PDZD2: variants seen among roughly 807,000 people sequenced by gnomAD.
PDZD2 encodes PDZ domain-containing protein 2.
PDZD2 carries 90 observed loss-of-function variants against 220.7 expected under a neutral mutation model. The observed-to-expected ratio is 0.41, with a 90% confidence interval of 0.34 to 0.49. The LOEUF (loss-of-function observed/expected upper bound fraction) is 0.49, where lower values mean the gene tolerates loss of function less well. Ranked by LOEUF, PDZD2 falls within the 20% of genes least tolerant of loss-of-function variation. PDZD2 has a pLI of 0.28. For missense variants in PDZD2, 3,174 were observed against 3,608.5 expected, an observed-to-expected ratio of 0.88 and a Z score of 3.08; for synonymous variants, 1,375 against 1,450.5, an observed-to-expected ratio of 0.95 and a Z score of 1.18.
At chr5:31,659,371 C>G (rs928750823) in intron 1 of PDZD2, among the ~76,000 whole-genome samples, 2 of 152,144 alleles carry the variant, frequency 1.3e-5, no homozygotes, top group Non-Finnish European at 2.9e-5. Flanking sequence ...ACCCAACCCT[C>G]CTCCTGAGCA....
Position 32,058,055 on chromosome 5 carries a change from A to T in PDZD2, c.2152A>T (p.Thr718Ser). 6.2e-7 allele frequency: 1 copy of T among 1,611,202 alleles called. No individual in the cohort carries two copies. Among genetic ancestry groups the T allele is most frequent in the Non-Finnish European group, 8.5e-7 (1 of 1,177,598 alleles). Reference sequence around the variant, plus strand: ...CAGTTCTTCATCCCTGGGTCGGAAGACCCCTGGGCCCAAGGACAGGATCGT... The same window carrying T: ...CAGTTCTTCATCCCTGGGTCGGAAGTCCCCTGGGCCCAAGGACAGGATCGT... ...EGSSSSLGRKTPGPKDRIVME... is the reference protein window; with the variant it reads ...EGSSSSLGRKSPGPKDRIVME... The change falls in exon 12 of 25, where the codon ACC (threonine) becomes TCC (serine). Residue 718 changes from threonine to serine, a missense_variant. Physicochemically the swap from Thr to Ser is moderately conservative, Grantham distance 58 (BLOSUM62 1). Around this residue, in one of 4 missense-constraint regions of PDZD2, gnomAD observed 1,861 missense variants for 2,001.0 expected, o/e 0.93. Coordinates refer to ENST00000438447, the MANE Select transcript of PDZD2 (RefSeq NM_178140.4).
chr5:32,057,834 A>T (rs777066339), intron 11 of PDZD2, 44 bp from the exon 12 acceptor site: 7 of 1,448,106 alleles, frequency 4.8e-6, no homozygotes, highest in Non-Finnish European at 6.8e-6. Context: ...TGATATAAGG[A>T]CATTCCAAAT....
At chr5:31,659,240 G>C (rs1302647549) in intron 1 of PDZD2, among the ~76,000 whole-genome samples, 1 of 151,460 alleles carries the variant, frequency 6.6e-6, no homozygotes, top group Non-Finnish European at 1.5e-5. Context: ...CTACTTTTTT[G>C]ATTGGTTTCA....
chr5:31,806,518 C>T (rs1273202396), intron 2 of PDZD2, among the ~76,000 whole-genome samples: 2 of 152,166 alleles, frequency 1.3e-5, no homozygotes, highest in Non-Finnish European at 2.9e-5. Flanking sequence ...CTGGTGGGAA[C>T]TTCTAGAGAA....
At chr5:31,775,888 C>T (rs1034326552) in intron 1 of PDZD2, among the ~76,000 whole-genome samples, 7 of 152,008 alleles carry the variant, frequency 4.6e-5, no homozygotes, top group African/African-American at 1.5e-4. Context: ...CTGGCTCTCC[C>T]GGGCCCTGTG....
chr5:32,102,346 A>G (rs1424517029), intron 24 of PDZD2, among the ~76,000 whole-genome samples: 1 of 151,932 alleles, frequency 6.6e-6, no homozygotes, highest in Non-Finnish European at 1.5e-5. Context: ...GCCAGAGCGA[A>G]GCATCTCGTG....
chr5:31,762,053 G>A (rs530020278), intron 1 of PDZD2, among the ~76,000 whole-genome samples: 55 of 152,134 alleles, frequency 3.6e-4, no homozygotes, highest in Middle Eastern at 3.4e-3. Context: ...AACCAGATCT[G>A]GTGAGAACTC....
chr5:31,971,470 T>G (rs931830881), intron 2 of PDZD2, among the ~76,000 whole-genome samples: 14 of 152,172 alleles, frequency 9.2e-5, no homozygotes, highest in Non-Finnish European at 1.8e-4. Flanking sequence ...GGATTTAAGT[T>G]CCAACACTGG....
chr5:32,030,990 G>A (rs767286767), intron 6 of PDZD2, among the ~76,000 whole-genome samples: 5 of 151,948 alleles, frequency 3.3e-5, no homozygotes, highest in Admixed American at 1.3e-4. Context: ...AAGTCTGTCC[G>A]CATATGCTGA....
intron 6 of PDZD2, among the ~76,000 whole-genome samples, chr5:32,028,681 T>TTTTTTTTTTTTTTTTTTTTG (rs1754875901): frequency 7.0e-6 from 1 of 142,590 alleles, no homozygotes. Flanking sequence ...TTTTGTTTTT[T>TTTTTTTTTTTTTTTTTTTTG]TTGTTTTTTT....
At position 31,691,270 on chromosome 5, in the gene PDZD2, G is replaced by T. The variant is rs556353622; in HGVS notation, c.-361+51833G>T. 2.0e-5 allele frequency among the ~76,000 whole-genome samples: 3 copies of T among 152,024 alleles called. No individual in the cohort carries two copies. In the East Asian group the frequency reaches 5.8e-4, roughly 29 times the overall value. Reference sequence around the variant, plus strand: ...TGGAGTTGTTCGTTCCTCCCGGTGGGCTCGTGGTCTCGCTGGCTTCAGGAG... The same window carrying T: ...TGGAGTTGTTCGTTCCTCCCGGTGGTCTCGTGGTCTCGCTGGCTTCAGGAG... On this transcript the variant is annotated intron_variant, in intron 1 of 24. Coordinates refer to ENST00000438447, the MANE Select transcript of PDZD2 (RefSeq NM_178140.4).
chr5:31,757,523 C>T lies in PDZD2; in HGVS notation c.-360-41366C>T, dbSNP rs570156680. ...AGGAGAATGGCATAAACCTGAGAGG[C>T]GGAGCTTGCAGTGAGCCGAGATTGC... On this transcript the variant is annotated intron_variant, in intron 1 of 24. Transcript: ENST00000438447. Among the ~76,000 whole-genome samples the T allele has an allele frequency of 6.6e-5, 10 of 151,542 alleles. No individual in the cohort carries two copies. In the East Asian group the frequency reaches 1.4e-3, roughly 21 times the overall value.
At chr5:32,105,186 AT>A (rs2111735302) in intron 24 of PDZD2, among the ~76,000 whole-genome samples, 1 of 152,318 alleles carries the variant, frequency 6.6e-6, no homozygotes, top group South Asian at 2.1e-4. Flanking sequence ...ATGAAGAACT[AT>A]ATAATTCAGT....
At chr5:32,023,196 A>C (rs1006313357) in intron 6 of PDZD2, among the ~76,000 whole-genome samples, 1 of 147,676 alleles carries the variant, frequency 6.8e-6, no homozygotes, top group Non-Finnish European at 1.5e-5. Context: ...ATGGGTTTCT[A>C]TTTGCCTTTG....
chr5:31,751,322 G>A (rs1417868909), intron 1 of PDZD2, among the ~76,000 whole-genome samples: 8 of 152,048 alleles, frequency 5.3e-5, no homozygotes, highest in Non-Finnish European at 1.2e-4. Flanking sequence ...GGTTAGAGCA[G>A]GAGCAAGGAG....
At chr5:31,673,004 C>T (rs1746274763) in intron 1 of PDZD2, among the ~76,000 whole-genome samples, 1 of 152,072 alleles carries the variant, frequency 6.6e-6, no homozygotes, top group African/African-American at 2.4e-5. Context: ...CTTAGGAGAC[C>T]TTTTTTCCAT....
At chr5:32,026,729 C>T (rs1001444181) in intron 6 of PDZD2, among the ~76,000 whole-genome samples, 4 of 152,168 alleles carry the variant, frequency 2.6e-5, no homozygotes, top group Non-Finnish European at 5.9e-5. Context: ...CTCCAGACCC[C>T]ATAGTTTTCT....
chr5:31,854,917 G>GT (rs887478602), intron 2 of PDZD2: 6 of 948,322 alleles, frequency 6.3e-6, no homozygotes, highest in Non-Finnish European at 7.5e-6. Context: ...GAGGGAGGAG[G>GT]GGGGGGTCCT....
At chr5:31,734,481 A>G (rs796944977) in intron 1 of PDZD2, among the ~76,000 whole-genome samples, 2 of 151,964 alleles carry the variant, frequency 1.3e-5, no homozygotes, top group South Asian at 4.2e-4. Context: ...CACCACACCC[A>G]GCTAATTTTG....
Sources: allele counts gnomAD v4.1 joint callset (sites outside exome capture counted in the v4.1 genomes callset), GRCh38; gene constraint gnomAD v4.1.1; regional missense constraint gnomAD v4.1.1; transcripts MANE v1.5; gene names NCBI Gene and HGNC (gene_info 2026-07-23, HGNC 2026-07-21).